ZC3H8: variants seen among roughly 807,000 people sequenced by gnomAD.
ZC3H8 encodes zinc finger CCCH domain-containing protein 8.
ZC3H8 carries 27 observed loss-of-function variants against 42.5 expected under a neutral mutation model. That is an observed-to-expected ratio of 0.64 (90% CI 0.47 to 0.88). The LOEUF (loss-of-function observed/expected upper bound fraction) is 0.88. Ranked by LOEUF, ZC3H8 falls within the 40% of genes least tolerant of loss-of-function variation. The pLI, the probability that ZC3H8 is intolerant of heterozygous loss-of-function variation, is 0.00. For synonymous variants in ZC3H8, 101 were observed against 110.1 expected (o/e 0.92, Z 0.52); for missense variants, 277 against 336.1 (o/e 0.82, Z 1.37).
In ZC3H8 at chr2:112,253,326, CT is replaced by C. The variant is rs139699141; in HGVS notation, c.74+1581del. On this transcript the variant is annotated intron_variant, in intron 1 of 8. Coordinates refer to ENST00000409573, the MANE Select transcript of ZC3H8 (RefSeq NM_032494.3). ...GAAATTTTCATCTCTTCTTCATTTACTACTATATCCCCAAGGCCGTAGCAGG... is the reference window on the plus strand; with the variant it reads ...GAAATTTTCATCTCTTCTTCATTTACACTATATCCCCAAGGCCGTAGCAGG... 9.3e-3 allele frequency among the ~76,000 whole-genome samples: 1,418 copies of C among 152,190 alleles called. 24 individuals carry two copies. Among genetic ancestry groups the C allele is most frequent in the African/African-American group, 0.032 (1,336 of 41,520 alleles).
rs367814132 is a variant in ZC3H8 at position 112,227,386 on chromosome 2, G to A, written c.*15+3517C>T. The stretch of plus-strand genomic sequence containing the variant: ...CTAAAAACACAAAAATTAGCCGGGC[G>A]TGGTGGCAGATGCCTGCAATCCCAG... On this transcript the variant is annotated intron_variant, in intron 8 of 8. Coordinates refer to ENST00000409573, the MANE Select transcript of ZC3H8 (RefSeq NM_032494.3). 1.3e-4 allele frequency among the ~76,000 whole-genome samples: 20 copies of A among 152,292 alleles called. No individual in the cohort carries two copies. The South Asian group carries it at 3.3e-3, about 25-fold the overall frequency.
intron 8 of ZC3H8, among the ~76,000 whole-genome samples, chr2:112,222,973 A>C (rs1052249817): frequency 6.6e-6 from 1 of 152,342 alleles, no homozygotes; most frequent in Middle Eastern, 3.4e-3. Context: ...TAAAGTATCC[A>C]TCTATTCCTA....
chr2:112,250,675 A>C (rs1685915382), intron 1 of ZC3H8, among the ~76,000 whole-genome samples: 1 of 152,188 alleles, frequency 6.6e-6, no homozygotes, highest in African/African-American at 2.4e-5. Flanking sequence ...GGGAGAAAAA[A>C]ATAAAGCTAT....
Position 112,213,159 on chromosome 2 carries a change from G to A in ZC3H8, c.*3325C>T, listed in dbSNP as rs1300969868. On this transcript the variant is annotated 3_prime_UTR_variant, in exon 9 of 9. Coordinates refer to ENST00000409573, the MANE Select transcript of ZC3H8 (RefSeq NM_032494.3). ...TAATTTAAAAATTTTTTGTAAAGAT[G>A]AGATCTTGCTATGTTGCCAAGGCTG... The A allele has an allele frequency of 2.0e-5, 3 of 151,728 alleles. No homozygotes were observed. Among genetic ancestry groups the A allele is most frequent in the African/African-American group, 7.3e-5 (3 of 41,280 alleles). The allele number at this position is 151,728 out of a possible 1,614,324, so 9.4% of individuals were successfully genotyped here. A position where few individuals can be genotyped will look rare whatever the true frequency, so the allele number is the denominator to read the frequency against.
rs1463186992 is a variant in ZC3H8, at chr2:112,213,878, CAGAATTTT to C, written c.*2598_*2605del. ...AAAGACCCATATGAAACCTGTCACA[CAGAATTTT>C]AGAAATGAGAATTCTGTCCATTCTA... On this transcript the variant is annotated 3_prime_UTR_variant, in exon 9 of 9. Coordinates refer to ENST00000409573, the MANE Select transcript of ZC3H8 (RefSeq NM_032494.3). 6.9e-6 allele frequency: 1 copy of C among 145,756 alleles called. No homozygotes were observed. The highest frequency in any genetic ancestry group is 1.5e-5 in the Non-Finnish European group (1 of 67,038). The allele number at this position is 145,756 out of a possible 1,614,324, so 9.0% of individuals were successfully genotyped here.
At chr2:112,235,848 G>A (rs988265029) in intron 4 of ZC3H8, among the ~76,000 whole-genome samples, 4 of 149,976 alleles carry the variant, frequency 2.7e-5, no homozygotes, top group African/African-American at 7.4e-5. Context: ...TAAAAAATTT[G>A]TAAGACTCAG....
intron 1 of ZC3H8, 90 bp downstream of exon 1, chr2:112,254,818 T>C (rs1686068837): frequency 4.1e-6 from 6 of 1,446,474 alleles, no homozygotes; most frequent in Non-Finnish European, 9.3e-7. Context: ...GGCCCGGACG[T>C]GGCCCCGGAC....
At chr2:112,254,828 C>T in intron 1 of ZC3H8, 80 bp downstream of exon 1, 2 of 1,496,006 alleles carry the variant, frequency 1.3e-6, no homozygotes, top group Non-Finnish European at 1.8e-6. Context: ...TGGCCCCGGA[C>T]TGCCTCCAAT....
chr2:112,236,594 C>T lies in ZC3H8; in HGVS notation c.472G>A (p.Ala158Thr). 1 of 1,613,942 alleles carries T rather than the reference C, an allele frequency of 6.2e-7. No individual in the cohort carries two copies. The highest frequency in any genetic ancestry group is 8.5e-7 in the Non-Finnish European group (1 of 1,179,880). ...WPGPGNKGSN[A>T]LLRNSGSQEE... ...TGTGAGCCGCTGTTCCTCAGCAAAG[C>T]ATTTGATCCTTTGTTTCCAGGGCCA... The change falls in exon 4 of 9, where the codon GCT (alanine) becomes ACT (threonine). Residue 158 changes from alanine to threonine, a missense_variant. Transcript: ENST00000409573.
intron 2 of ZC3H8, among the ~76,000 whole-genome samples, chr2:112,248,332 GA>G (rs1685826961): frequency 2.1e-5 from 3 of 142,532 alleles, no homozygotes; most frequent in African/African-American, 7.8e-5. Context: ...AAGAAAGAAA[GA>G]AAGAAAAGAA....
At chr2:112,223,101 G>A (rs1003940305) in intron 8 of ZC3H8, among the ~76,000 whole-genome samples, 14 of 151,930 alleles carry the variant, frequency 9.2e-5, no homozygotes, top group East Asian at 1.9e-4. Flanking sequence ...ACACACTGGG[G>A]CCTGTCGTGG....
chr2:112,231,604 A>G (rs1685092910), intron 7 of ZC3H8, among the ~76,000 whole-genome samples: 1 of 152,198 alleles, frequency 6.6e-6, no homozygotes, highest in African/African-American at 2.4e-5. Context: ...ATTATACTGA[A>G]GATTTTACAT....
chr2:112,236,438 A>T (rs1685337750), intron 4 of ZC3H8, 124 bp downstream of exon 4: 15 of 1,353,180 alleles, frequency 1.1e-5, no homozygotes, highest in African/African-American at 1.5e-5. Context: ...TCTTCATCCG[A>T]AAACCGATTC....
intron 2 of ZC3H8, among the ~76,000 whole-genome samples, chr2:112,239,552 T>C (rs1186119262): frequency 1.3e-5 from 2 of 150,970 alleles, no homozygotes; most frequent in Admixed American, 1.3e-4. Flanking sequence ...TTATAAAATA[T>C]ATTAGGTGGC....
intron 2 of ZC3H8, among the ~76,000 whole-genome samples, chr2:112,242,799 T>C (rs1685631624): frequency 1.3e-5 from 2 of 152,348 alleles, no homozygotes; most frequent in South Asian, 2.1e-4. Flanking sequence ...ATTAAAATTA[T>C]TCTTTTTTAA....
intron 3 of ZC3H8, 53 bp from the exon 4 acceptor site, chr2:112,236,748 A>G (rs1685353249): frequency 1.3e-6 from 2 of 1,502,478 alleles, no homozygotes; most frequent in African/African-American, 1.4e-5. Context: ...ATAGCAGTTT[A>G]CTTTTAAGAA....
intron 1 of ZC3H8, among the ~76,000 whole-genome samples, chr2:112,252,355 C>G (rs1431800778): frequency 3.3e-5 from 5 of 152,160 alleles, no homozygotes; most frequent in African/African-American, 1.2e-4. Flanking sequence ...TCTCACATCC[C>G]CATCCAATCT....
intron 1 of ZC3H8, among the ~76,000 whole-genome samples, chr2:112,252,861 C>T (rs1422069329): frequency 6.6e-6 from 1 of 152,168 alleles, no homozygotes; most frequent in Non-Finnish European, 1.5e-5. Context: ...CTACACCTCC[C>T]AGCCGGGCGC....
chr2:112,238,375 C>A lies in ZC3H8; in HGVS notation c.310G>T (p.Ala104Ser). The change falls in exon 3 of 9, where the codon GCA (alanine) becomes TCA (serine). Residue 104 changes from alanine to serine, a missense_variant. Transcript: ENST00000409573. ...GATTCTTCAGGTTGAGCAGCATTTG[C>A]CATTTCTCTGGCTTGTATGTACTGT... is the stretch of plus-strand genomic sequence containing the variant. ...LQQYIQAREMANAAQPEESTK... is the reference protein window; with the variant it reads ...LQQYIQAREMSNAAQPEESTK... 6.2e-7 allele frequency: 1 copy of A among 1,613,682 alleles called. No homozygotes were observed. The highest frequency in any genetic ancestry group is 8.5e-7 in the Non-Finnish European group (1 of 1,179,874).
Sources: allele counts gnomAD v4.1 joint callset (sites outside exome capture counted in the v4.1 genomes callset), GRCh38; gene constraint gnomAD v4.1.1; transcripts MANE v1.5; gene names NCBI Gene and HGNC (gene_info 2026-07-23, HGNC 2026-07-21).